BTBD8: variants seen among roughly 807,000 people sequenced by gnomAD.
BTBD8 encodes the protein BTB domain containing 8.
A neutral mutation model predicts 162.9 loss-of-function variants in BTBD8; 110 were observed. The ratio of observed to expected loss-of-function variants is 0.68; its 90% CI spans 0.58 to 0.79. The LOEUF (loss-of-function observed/expected upper bound fraction) is 0.79. BTBD8 is among the 30% of genes least tolerant of loss of function. BTBD8 has a pLI of 0.00. For missense variants in BTBD8, 1,905 were observed against 2,085.4 expected (o/e 0.91, Z 1.68); for synonymous variants, 667 against 716.1 (o/e 0.93, Z 1.10).
chr1:92,115,198 TG>T, intron 4 of BTBD8: 1 of 529,050 alleles, frequency 1.9e-6, no homozygotes, highest in Non-Finnish European at 3.7e-6. Context: ...GATGATGTTC[TG>T]GAGAGCCCCA....
chr1:92,147,841 T>A (rs752764107), intron 9 of BTBD8, 55 bp downstream of exon 9: 1 of 1,398,564 alleles, frequency 7.2e-7, no homozygotes, highest in South Asian at 1.2e-5. Flanking sequence ...GTTTATTCAA[T>A]TTTGTATAGT....
In BTBD8 at chr1:92,183,845, GTAT is replaced by G. The variant is rs1160972890; in HGVS notation, c.4913-15_4913-13del. On this transcript the variant is annotated splice_polypyrimidine_tract_variant and intron_variant, in intron 17 of 17. Coordinates refer to ENST00000636805, the MANE Select transcript of BTBD8 (RefSeq NM_001376131.1). ...CAACGTGCAATTTTTACATTGTGTA[GTAT>G]TATGAATTATTTCAGGAGACATAGA... The G allele has an allele frequency of 1.3e-5, 20 of 1,519,344 alleles. No individual in the cohort carries two copies. Among genetic ancestry groups the G allele is most frequent in the Non-Finnish European group, 1.8e-5 (20 of 1,126,586 alleles). 94.1% of individuals were successfully genotyped at this position (1,519,344 alleles called of 1,614,324 possible).
rs752915828 is a variant in BTBD8 at position 92,180,602 on chromosome 1, G to C, written c.2919G>C (p.Val973=). The change falls in exon 17 of 18, where the codon GTG becomes GTC. Residue 973 remains valine, a synonymous_variant. Transcript: ENST00000636805. ...STVQKSMFHD[V]RDNNNKDSVS... ...TCCAAAAAAGTATGTTTCATGATGTGCGTGATAATAACAACAAGGACAGTG... is the reference window on the plus strand; with the variant it reads ...TCCAAAAAAGTATGTTTCATGATGTCCGTGATAATAACAACAAGGACAGTG... The C allele has an allele frequency of 1.9e-6, 3 of 1,551,114 alleles. No individual in the cohort carries two copies. In the African/African-American group the frequency reaches 4.1e-5, roughly 21 times the overall value.
At chr1:92,122,845 G>A (rs185689381) in intron 4 of BTBD8, among the ~76,000 whole-genome samples, 46 of 152,180 alleles carry the variant, frequency 3.0e-4, no homozygotes, top group African/African-American at 1.0e-3. Flanking sequence ...GATTACAAGC[G>A]TGAGCCACCA....
chr1:92,153,719 A>G (rs1276772847), intron 9 of BTBD8, among the ~76,000 whole-genome samples: 1 of 152,216 alleles, frequency 6.6e-6, no homozygotes, highest in Non-Finnish European at 1.5e-5. Flanking sequence ...ATGTTCTGCT[A>G]TATGTATACA....
At chr1:92,108,025 T>C (rs747754395) in intron 4 of BTBD8, 24 bp downstream of exon 4, 13 of 1,586,938 alleles carry the variant, frequency 8.2e-6, no homozygotes, top group Non-Finnish European at 1.1e-5. Flanking sequence ...ACTGATTTGC[T>C]GTCTTGGTTG....
intron 2 of BTBD8, 24 bp from the exon 3 acceptor site, chr1:92,102,449 A>C: frequency 7.7e-7 from 1 of 1,296,184 alleles, no homozygotes; most frequent in Non-Finnish European, 1.0e-6. Context: ...TTATTTTATT[A>C]ATATTTTATA....
chr1:92,179,194 T>C lies in BTBD8; in HGVS notation c.2581+743T>C, dbSNP rs141157567. Among the ~76,000 whole-genome samples the C allele has an allele frequency of 1.8e-3, 267 of 151,152 alleles. 3 individuals carry two copies. The highest frequency in any genetic ancestry group is 5.9e-3 in the African/African-American group (244 of 41,074). ...CTGGGAGGCGGAGGTTGCAGTCAGC[T>C]GAGATCTTGCCTCTATACTCCAGGC... On this transcript the variant is annotated intron_variant, in intron 16 of 17. Transcript: ENST00000636805.
At chr1:92,093,187 ATTTTTTTT>A (rs5776134) in intron 2 of BTBD8, among the ~76,000 whole-genome samples, 1 of 119,854 alleles carries the variant, frequency 8.3e-6, no homozygotes, top group South Asian at 2.7e-4. Context: ...TGAAATACCA[ATTTTTTTT>A]TTTTTTTTTT....
In BTBD8 at chr1:92,182,028, G is replaced by A. The variant is rs764370221; in HGVS notation, c.4345G>A (p.Gly1449Arg). The A allele has an allele frequency of 3.5e-5, 55 of 1,551,334 alleles. 1 individual carries two copies. In the South Asian group the frequency reaches 5.8e-4, roughly 16 times the overall value. ...TTCAGTCGATGAATGTGAAGAGCTG[G>A]GATCAGATGAAGGAGAAGTCCATAC... is the stretch of plus-strand genomic sequence containing the variant. ...LLSVDECEEL[G>R]SDEGEVHTPF... The change falls in exon 17 of 18, where the codon GGA becomes AGA. Residue 1449 changes from glycine (G) to arginine (R), a missense_variant. Gly to Arg is a moderately radical substitution (Grantham distance 125). Coordinates refer to ENST00000636805, the MANE Select transcript of BTBD8 (RefSeq NM_001376131.1).
chr1:92,117,255 A>G (rs1240198251), intron 4 of BTBD8, among the ~76,000 whole-genome samples: 1 of 151,996 alleles, frequency 6.6e-6, no homozygotes, highest in Non-Finnish European at 1.5e-5. Context: ...CTGCTGCTTC[A>G]CATTACCTAA....
chr1:92,177,674 C>A, intron 14 of BTBD8, 128 bp downstream of exon 14: 1 of 819,586 alleles, frequency 1.2e-6, no homozygotes, highest in Non-Finnish European at 2.0e-6. Context: ...TGTATATGTA[C>A]TTATGCAAAC....
Position 92,177,114 on chromosome 1 carries a change from A to G in BTBD8, c.1921A>G (p.Lys641Glu), listed in dbSNP as rs1230436879. 14 of 1,551,636 alleles carry G rather than the reference A, an allele frequency of 9.0e-6. No homozygotes were observed. Among genetic ancestry groups the G allele is most frequent in the Non-Finnish European group, 1.1e-5 (13 of 1,147,016 alleles). Reference sequence around the variant, plus strand: ...AAAGCCCAAAACTGTAACAAAATCCAAAACAGAAAATGGTGATAAGGCACG... The same window carrying G: ...AAAGCCCAAAACTGTAACAAAATCCGAAACAGAAAATGGTGATAAGGCACG... Reference protein sequence around the residue: ...SGKPKTVTKSKTENGDKARLE... With the variant: ...SGKPKTVTKSETENGDKARLE... Residue 641 changes from lysine (K) to glutamate (E), a missense_variant, in exon 14 of 18, where the codon AAA (lysine) becomes GAA (glutamate). By Grantham distance (56) the Lys-to-Glu change is moderately conservative. Transcript: ENST00000636805.
intron 4 of BTBD8, among the ~76,000 whole-genome samples, chr1:92,121,734 A>G (rs1383972380): frequency 2.0e-5 from 3 of 152,094 alleles, no homozygotes; most frequent in Non-Finnish European, 4.4e-5. Context: ...TTCAGTACCT[A>G]TCCCTACCCC....
At chr1:92,179,697 G>A (rs965303154) in intron 16 of BTBD8, among the ~76,000 whole-genome samples, 1 of 152,140 alleles carries the variant, frequency 6.6e-6, no homozygotes, top group Non-Finnish European at 1.5e-5. Flanking sequence ...CCAGTCAGCA[G>A]TTTTAGTTTC....
rs760682688 is a variant in BTBD8, at chr1:92,182,217, A to G, written c.4534A>G (p.Ser1512Gly). 9.4e-5 allele frequency: 146 copies of G among 1,550,602 alleles called. No homozygotes were observed. The highest frequency in any genetic ancestry group is 1.2e-4 in the Non-Finnish European group (143 of 1,146,738). Reference protein sequence around the residue: ...NKGNSVCKNESTVLDLSSIDS... With the variant: ...NKGNSVCKNEGTVLDLSSIDS... ...AGGCAATAGTGTATGTAAAAATGAAAGCACTGTCTTGGATCTTAGTAGCAT... is the reference window on the plus strand; with the variant it reads ...AGGCAATAGTGTATGTAAAAATGAAGGCACTGTCTTGGATCTTAGTAGCAT... Residue 1512 changes from serine (S) to glycine (G), a missense_variant, in exon 17 of 18, where the codon AGC becomes GGC. Physicochemically the swap from Ser to Gly is moderately conservative, Grantham distance 56. This residue lies in a region of BTBD8 where 517 missense variants were observed against 606.6 expected (regional missense o/e 0.85). Transcript: ENST00000636805.
At chr1:92,155,003 GT>G (rs1650127150) in intron 9 of BTBD8, among the ~76,000 whole-genome samples, 1 of 152,126 alleles carries the variant, frequency 6.6e-6, no homozygotes, top group Admixed American at 6.6e-5. Flanking sequence ...TCCCAGCACT[GT>G]TTGTTGAAGA....
intron 9 of BTBD8, among the ~76,000 whole-genome samples, chr1:92,157,929 G>A (rs1395158808): frequency 3.3e-5 from 5 of 152,158 alleles, no homozygotes; most frequent in Admixed American, 6.6e-5. Flanking sequence ...GATGCAGGGT[G>A]CATATATGTT....
chr1:92,126,601 C>T (rs1649367485), intron 4 of BTBD8: 1 of 377,116 alleles, frequency 2.7e-6, no homozygotes, highest in Non-Finnish European at 5.1e-6. Flanking sequence ...TTAAAAGTTG[C>T]ACTTATTGTA....
Sources: allele counts gnomAD v4.1 joint callset (sites outside exome capture counted in the v4.1 genomes callset), GRCh38; gene constraint gnomAD v4.1.1; regional missense constraint gnomAD v4.1.1; transcripts MANE v1.5; gene names NCBI Gene and HGNC (gene_info 2026-07-23, HGNC 2026-07-21).